Variants in RTN3 observed in about 807,000 individuals in gnomAD.
RTN3 encodes the protein reticulon 3.
In RTN3, 49 loss-of-function variants were observed where a neutral mutation model predicts 77.8. The observed-to-expected ratio is 0.63, with a 90% CI of 0.50 to 0.80. RTN3 has a LOEUF of 0.80. Ranked by LOEUF, RTN3 falls within the 30% of genes least tolerant of loss-of-function variation. RTN3 has a pLI of 0.00. For missense variants in RTN3, 1,236 were observed against 1,211.9 expected, an observed-to-expected ratio of 1.02 and a Z score of -0.29; for synonymous variants, 464 against 446.9, an observed-to-expected ratio of 1.04 and a Z score of -0.48.
chr11:63,739,128 C>T (rs889136342), intron 3 of RTN3, among the ~76,000 whole-genome samples: 11 of 152,154 alleles, frequency 7.2e-5, no homozygotes, highest in African/African-American at 2.2e-4. Context: ...CCACCAGCAA[C>T]GTAAACTCTT....
chr11:63,736,403 A>G (rs2013124254), intron 3 of RTN3, among the ~76,000 whole-genome samples: 2 of 152,170 alleles, frequency 1.3e-5, no homozygotes, highest in Non-Finnish European at 2.9e-5. Context: ...AAAATAATAT[A>G]AAGGCCAGGC....
intron 1 of RTN3, among the ~76,000 whole-genome samples, chr11:63,686,440 C>T (rs1211695077): frequency 2.7e-5 from 4 of 149,444 alleles, no homozygotes; most frequent in South Asian, 2.1e-4. Context: ...CACTGCACTC[C>T]GGCCTGGGGG....
Position 63,719,873 on chromosome 11 carries a change from A to T in RTN3, c.1371A>T (p.Lys457Asn). 1.9e-6 allele frequency: 3 copies of T among 1,614,232 alleles called. No homozygotes were observed. Among genetic ancestry groups the T allele is most frequent in the Non-Finnish European group, 2.5e-6 (3 of 1,180,044 alleles). Residue 457 changes from lysine (K) to asparagine (N), a missense_variant, in exon 3 of 9, where the codon AAA becomes AAT. Physicochemically the swap from Lys to Asn is moderately conservative, Grantham distance 94. Around this residue, in one of 3 missense-constraint regions of RTN3, gnomAD observed 1,056 missense variants for 990.4 expected, o/e 1.07. Transcript: ENST00000377819. Reference sequence around the variant, plus strand: ...AATTACCTGGATCTCCACCTGAGAAATGTGACTCTTTGGGTTCTGGAGTGG... The same window carrying T: ...AATTACCTGGATCTCCACCTGAGAATTGTGACTCTTTGGGTTCTGGAGTGG... ...LAELPGSPPE[K>N]CDSLGSGVAT...
At chr11:63,689,136 A>G (rs569335673) in intron 1 of RTN3, among the ~76,000 whole-genome samples, 2 of 152,196 alleles carry the variant, frequency 1.3e-5, no homozygotes, top group Non-Finnish European at 2.9e-5. Flanking sequence ...AAATTCATCA[A>G]TTTTGTAGTA....
In RTN3 at chr11:63,719,464, C is replaced by T. The variant is rs1252229269; in HGVS notation, c.962C>T (p.Ala321Val). The change falls in exon 3 of 9, where the codon GCA becomes GTA. Residue 321 changes from alanine to valine, a missense_variant. Around this residue, in one of 3 missense-constraint regions of RTN3, gnomAD observed 1,056 missense variants for 990.4 expected, o/e 1.07. Coordinates refer to ENST00000377819, the MANE Select transcript of RTN3 (RefSeq NM_001265589.2). ...AGGCAGTTTTCACACACAAATGCAGCACTGGAAGAGGTGTCCAGATGCGTG... is the reference window on the plus strand; with the variant it reads ...AGGCAGTTTTCACACACAAATGCAGTACTGGAAGAGGTGTCCAGATGCGTG... ...LSRQFSHTNA[A>V]LEEVSRCVND... is the part of the protein sequence containing the mutation. The T allele has an allele frequency of 4.3e-6, 7 of 1,614,006 alleles. No individual in the cohort carries two copies. Among genetic ancestry groups the T allele is most frequent in the African/African-American group, 1.3e-5 (1 of 74,924 alleles).
chr11:63,735,604 C>CTCTCTCTCTCTCTCTT (rs2013065725), intron 3 of RTN3, among the ~76,000 whole-genome samples: 1 of 147,766 alleles, frequency 6.8e-6, no homozygotes. Flanking sequence ...CTCTCTCTTT[C>CTCTCTCTCTCTCTCTT]TTTCAACCCC....
Position 63,720,204 on chromosome 11 carries a change from C to G in RTN3, c.1702C>G (p.Gln568Glu), listed in dbSNP as rs1326978635. The G allele has an allele frequency of 6.2e-7, 1 of 1,614,084 alleles. No homozygotes were observed. The highest frequency in any genetic ancestry group is 1.3e-5 in the African/African-American group (1 of 75,030). The change falls in exon 3 of 9, where the codon CAG becomes GAG. Residue 568 changes from glutamine to glutamate, a missense_variant. Coordinates refer to ENST00000377819, the MANE Select transcript of RTN3 (RefSeq NM_001265589.2). The stretch of plus-strand genomic sequence containing the variant: ...CAGTGACTCTGAGCTGCATCAAGAT[C>G]AGCCTGATATTCTTGGAAGGAGTCC... ...LVSDSELHQD[Q>E]PDILGRSPAS...
At chr11:63,721,386 AAC>A (rs1156317433) in intron 3 of RTN3, among the ~76,000 whole-genome samples, 5 of 152,094 alleles carry the variant, frequency 3.3e-5, no homozygotes, top group Non-Finnish European at 5.9e-5. Flanking sequence ...CATCCTGGCT[AAC>A]ACGGTGAAAC....
At position 63,681,595 on chromosome 11, in the gene RTN3, C is replaced by G. The variant is rs751028596; in HGVS notation, c.-42C>G. The G allele has an allele frequency of 5.3e-5, 82 of 1,545,054 alleles. No homozygotes were observed. The highest frequency in any genetic ancestry group is 6.9e-5 in the Non-Finnish European group (79 of 1,143,768). ...TATTTCCCCTCCCTCTCTCCCGCCC[C>G]GTATCTCTTTTCACCCTTCTCCCAC... On this transcript the variant is annotated 5_prime_UTR_variant, in exon 1 of 9. Transcript: ENST00000377819.
At position 63,719,598 on chromosome 11, in the gene RTN3, G is replaced by A. The variant is rs150901896; in HGVS notation, c.1096G>A (p.Asp366Asn). 8.1e-6 allele frequency: 13 copies of A among 1,613,884 alleles called. No homozygotes were observed. Among genetic ancestry groups the A allele is most frequent in the Non-Finnish European group, 1.1e-5 (13 of 1,180,022 alleles). The stretch of plus-strand genomic sequence containing the variant: ...CTGCATCACAAAAACTACAGGACTT[G>A]ACATGAGTGAATATAATTCAGAAAT... ...SDCITKTTGLDMSEYNSEIPV... is the reference protein window; with the variant it reads ...SDCITKTTGLNMSEYNSEIPV... Residue 366 changes from aspartate to asparagine, a missense_variant, in exon 3 of 9, where the codon GAC (aspartate) becomes AAC (asparagine). Around this residue, in one of 3 missense-constraint regions of RTN3, gnomAD observed 1,056 missense variants for 990.4 expected, o/e 1.07. Coordinates refer to ENST00000377819, the MANE Select transcript of RTN3 (RefSeq NM_001265589.2).
rs776457682 is a variant in RTN3 at position 63,681,616 on chromosome 11, C to T, written c.-21C>T. ...GCCCCGTATCTCTTTTCACCCTTCTCCCACCCTCGCTCGCGTAGCCATGGC... is the reference window on the plus strand; with the variant it reads ...GCCCCGTATCTCTTTTCACCCTTCTTCCACCCTCGCTCGCGTAGCCATGGC... On this transcript the variant is annotated 5_prime_UTR_variant, in exon 1 of 9. Transcript: ENST00000377819. The T allele has an allele frequency of 1.9e-6, 3 of 1,577,262 alleles. No homozygotes were observed. The highest frequency in any genetic ancestry group is 1.4e-5 in the African/African-American group (1 of 72,834).
intron 3 of RTN3, among the ~76,000 whole-genome samples, chr11:63,746,306 T>A (rs2013789985): frequency 1.3e-5 from 2 of 152,230 alleles, no homozygotes; most frequent in South Asian, 4.1e-4. Flanking sequence ...ATCTGCACTC[T>A]AGTTCACCAG....
chr11:63,695,098 A>G (rs1490611862), intron 1 of RTN3, among the ~76,000 whole-genome samples: 1 of 152,232 alleles, frequency 6.6e-6, no homozygotes, highest in Non-Finnish European at 1.5e-5. Context: ...GCAAACATTT[A>G]TGAAGCTCCT....
chr11:63,755,956 C>CAAA (rs112296263), intron 7 of RTN3, among the ~76,000 whole-genome samples, 156 bp from the exon 8 acceptor site: 9 of 115,458 alleles, frequency 7.8e-5, no homozygotes, highest in African/African-American at 2.9e-4. Context: ...GGCTCCGTCT[C>CAAA]AAAAAAAAAA....
chr11:63,699,465 T>A (rs1942129929), intron 1 of RTN3, among the ~76,000 whole-genome samples: 1 of 152,290 alleles, frequency 6.6e-6, no homozygotes, highest in South Asian at 2.1e-4. Context: ...CTCACTGCCT[T>A]AGTGCGAGCC....
At chr11:63,744,182 C>T (rs1055546109) in intron 3 of RTN3, among the ~76,000 whole-genome samples, 1 of 118,550 alleles carries the variant, frequency 8.4e-6, no homozygotes, top group African/African-American at 3.3e-5. Context: ...GCAGAGATTG[C>T]AGTGAGCCGA....
intron 1 of RTN3, among the ~76,000 whole-genome samples, chr11:63,702,762 T>G (rs1226687662): frequency 6.6e-6 from 1 of 151,876 alleles, no homozygotes; most frequent in African/African-American, 2.4e-5. Flanking sequence ...CTCGGCTCAC[T>G]GCAAACTCCG....
chr11:63,743,779 G>A (rs1328418539), intron 3 of RTN3, among the ~76,000 whole-genome samples: 1 of 151,790 alleles, frequency 6.6e-6, no homozygotes, highest in Non-Finnish European at 1.5e-5. Flanking sequence ...AGCTGGGCGT[G>A]GTGGTGCGCG....
At chr11:63,737,969 C>T (rs888635630) in intron 3 of RTN3, among the ~76,000 whole-genome samples, 2 of 152,156 alleles carry the variant, frequency 1.3e-5, no homozygotes, top group African/African-American at 4.8e-5. Context: ...AAGGATAAAT[C>T]TGTAGCAGAG....
Sources: allele counts gnomAD v4.1 joint callset (sites outside exome capture counted in the v4.1 genomes callset), GRCh38; gene constraint gnomAD v4.1.1; regional missense constraint gnomAD v4.1.1; transcripts MANE v1.5; gene names NCBI Gene and HGNC (gene_info 2026-07-23, HGNC 2026-07-21).